SETD3: variants seen among roughly 807,000 people sequenced by gnomAD.
SETD3 encodes the protein actin-histidine N-methyltransferase.
SETD3 carries 19 observed loss-of-function variants against 63.0 expected under a neutral mutation model. The ratio of observed to expected loss-of-function variants is 0.30; its 90% confidence interval spans 0.21 to 0.44. SETD3 has a LOEUF of 0.44. SETD3 is among the 20% of genes least tolerant of loss of function. SETD3 has a pLI of 1.00. For missense variants in SETD3, 587 were observed against 728.5 expected (o/e 0.81, Z 2.24); for synonymous variants, 286 against 264.1 (o/e 1.08, Z -0.80).
chr14:99,434,897 T>C (rs1168122806), intron 6 of SETD3, among the ~76,000 whole-genome samples: 1 of 140,484 alleles, frequency 7.1e-6, no homozygotes, highest in Non-Finnish European at 1.5e-5. Flanking sequence ...TTAATATACA[T>C]GTATTTCATT....
At chr14:99,476,432 T>G (rs1895976099) in intron 1 of SETD3, among the ~76,000 whole-genome samples, 1 of 152,220 alleles carries the variant, frequency 6.6e-6, no homozygotes, top group South Asian at 2.1e-4. Context: ...TAGGAGGAGC[T>G]GCAGGTTAAA....
At chr14:99,481,214 G>GA (rs894397680), upstream of SETD3, 3 of 393,380 alleles carry the variant, frequency 7.6e-6, no homozygotes, top group East Asian at 3.6e-5. Flanking sequence ...GGACCGACGG[G>GA]ATGGGCCCTG....
chr14:99,404,338 C>A, intron 10 of SETD3, 28 bp from the exon 11 acceptor site: 1 of 1,601,646 alleles, frequency 6.2e-7, no homozygotes, highest in South Asian at 1.1e-5. Context: ...CAAGATCAGT[C>A]ACCCTGCTGC....
At chr14:99,448,807 C>T (rs540471755) in intron 6 of SETD3, among the ~76,000 whole-genome samples, 4 of 152,284 alleles carry the variant, frequency 2.6e-5, no homozygotes, top group Admixed American at 6.5e-5. Context: ...TTAAGTGAAA[C>T]TGAGGTCAGG....
At chr14:99,485,350 A>G (rs1411428839), upstream of SETD3, among the ~76,000 whole-genome samples, 1 of 152,164 alleles carries the variant, frequency 6.6e-6, no homozygotes, top group Non-Finnish European at 1.5e-5. Context: ...CTCAACAGAT[A>G]TCTTGGCATT....
chr14:99,446,225 C>T (rs1469727359), intron 6 of SETD3, among the ~76,000 whole-genome samples: 4 of 152,228 alleles, frequency 2.6e-5, no homozygotes, highest in African/African-American at 9.6e-5. Flanking sequence ...CCTCAGCCCA[C>T]CACTGGCATT....
intron 6 of SETD3, among the ~76,000 whole-genome samples, chr14:99,421,680 T>G (rs949856312): frequency 1.3e-5 from 2 of 152,092 alleles, no homozygotes; most frequent in Non-Finnish European, 2.9e-5. Context: ...TCGAGAACTC[T>G]ATGTGCATAT....
intron 2 of SETD3, among the ~76,000 whole-genome samples, chr14:99,464,860 C>A (rs771806694): frequency 6.6e-6 from 1 of 152,218 alleles, no homozygotes; most frequent in Non-Finnish European, 1.5e-5. Context: ...ATCAGATACA[C>A]AGCCAGGTGC....
At chr14:99,445,825 A>G (rs1485460987) in intron 6 of SETD3, among the ~76,000 whole-genome samples, 3 of 152,254 alleles carry the variant, frequency 2.0e-5, no homozygotes, top group Non-Finnish European at 4.4e-5. Flanking sequence ...CCCAGAGGAT[A>G]GAGAATCTAC....
At chr14:99,435,925 G>T (rs545245292) in intron 6 of SETD3, among the ~76,000 whole-genome samples, 3 of 152,078 alleles carry the variant, frequency 2.0e-5, no homozygotes, top group Non-Finnish European at 4.4e-5. Flanking sequence ...TGCCCAAGAC[G>T]GGGTAGTTTA....
intron 6 of SETD3, among the ~76,000 whole-genome samples, chr14:99,431,117 T>G (rs924403846): frequency 1.3e-5 from 2 of 152,248 alleles, no homozygotes; most frequent in Non-Finnish European, 2.9e-5. Context: ...ATTCCAATCC[T>G]CTTCACCTAA....
At chr14:99,456,198 T>C (rs530539459) in intron 6 of SETD3, among the ~76,000 whole-genome samples, 2 of 152,330 alleles carry the variant, frequency 1.3e-5, no homozygotes, top group South Asian at 2.1e-4. Flanking sequence ...AGAACTTATA[T>C]GTGTGACCAG....
At chr14:99,412,866 G>T in intron 8 of SETD3, 85 bp downstream of exon 8, 3 of 942,682 alleles carry the variant, frequency 3.2e-6, no homozygotes, top group Non-Finnish European at 5.2e-6. Flanking sequence ...GGAGTACGAT[G>T]GGTAGGTGGA....
intron 6 of SETD3, among the ~76,000 whole-genome samples, chr14:99,430,974 GAC>G (rs1893143555): frequency 6.6e-6 from 1 of 152,184 alleles, no homozygotes; most frequent in South Asian, 2.1e-4. Context: ...CTGTGTGCCA[GAC>G]ACAATAAAAT....
rs34814044 is a variant in SETD3 at position 99,398,655 on chromosome 14, TC to T, written c.*23del. The T allele has an allele frequency of 3.1e-6, 5 of 1,601,882 alleles. No homozygotes were observed. The highest frequency in any genetic ancestry group is 4.3e-6 in the Non-Finnish European group (5 of 1,171,044). On this transcript the variant is annotated 3_prime_UTR_variant, in exon 13 of 13. Transcript: ENST00000331768. Reference sequence around the variant, plus strand: ...GTCCGTCAACTCCTGCTCCACTGGATCCCCCATCCAGCTTCACCTCGAGCTA... The same window carrying T: ...GTCCGTCAACTCCTGCTCCACTGGATCCCCATCCAGCTTCACCTCGAGCTA...
At position 99,413,910 on chromosome 14, in the gene SETD3, G is replaced by T. The variant is rs760166351; in HGVS notation, c.700C>A (p.Pro234Thr). ...IQTHPHANKLPLKDSFTYEDY... is the reference protein window; with the variant it reads ...IQTHPHANKLTLKDSFTYEDY... ...TCGTAAGTGAAAGAATCCTTCAAGG[G>T]TAGTTTGTTGGCATGAGGATGGGTC... The change falls in exon 7 of 13, where the codon CCC becomes ACC. Residue 234 changes from proline (P) to threonine (T), a missense_variant. By Grantham distance (38) the Pro-to-Thr change is conservative (BLOSUM62 -1). Coordinates refer to ENST00000331768, the MANE Select transcript of SETD3 (RefSeq NM_032233.3). 6 of 1,614,034 alleles carry T rather than the reference G, an allele frequency of 3.7e-6. No homozygotes were observed. Among genetic ancestry groups the T allele is most frequent in the Non-Finnish European group, 5.1e-6 (6 of 1,179,972 alleles).
intron 1 of SETD3, among the ~76,000 whole-genome samples, chr14:99,470,801 C>T (rs1895659047): frequency 6.6e-6 from 1 of 152,160 alleles, no homozygotes; most frequent in Non-Finnish European, 1.5e-5. Context: ...ATTTCTGGGA[C>T]ACCCCTAACT....
In SETD3 at chr14:99,422,382, T is replaced by A. The variant is rs546617968; in HGVS notation, c.676-8448A>T. 2.0e-5 allele frequency among the ~76,000 whole-genome samples: 3 copies of A among 152,356 alleles called. No individual in the cohort carries two copies. In the South Asian group the frequency reaches 6.2e-4, roughly 32 times the overall value. On this transcript the variant is annotated intron_variant, in intron 6 of 12. Transcript: ENST00000331768. ...ATTAAACCACTATATCAAGTTATTA[T>A]ACTAGCATTATCTTTTTGGCTACTT...
intron 11 of SETD3, 143 bp downstream of exon 11, chr14:99,404,082 C>G (rs1270786865): frequency 1.4e-5 from 8 of 565,314 alleles, no homozygotes; most frequent in South Asian, 5.2e-5. Flanking sequence ...TCTATTTCTT[C>G]TTTCTCCAGT....
Sources: gnomAD v4.1 joint callset for allele counts (sites outside exome capture counted in the v4.1 genomes callset) on GRCh38, gnomAD v4.1.1 for gene constraint, MANE v1.5 for transcripts, NCBI Gene and HGNC (gene_info 2026-07-23, HGNC 2026-07-21) for gene names.